The following GRID1 variants were observed in gnomAD, a reference collection of about 807,000 sequenced individuals.
The protein encoded by GRID1 is glutamate receptor ionotropic, delta-1.
Under a neutral mutation model 98.0 loss-of-function variants are expected in GRID1, and 28 were observed. The observed-to-expected ratio is 0.29, with a 90% confidence interval of 0.21 to 0.39. The LOEUF (loss-of-function observed/expected upper bound fraction) is 0.39. Ranked by LOEUF, GRID1 falls within the 10% of genes least tolerant of loss-of-function variation. The probability of loss-of-function intolerance (pLI) is 1.00; values close to 1 mark genes in which losing one functional copy is unlikely to be tolerated. For synonymous variants in GRID1, 553 were observed against 538.5 expected, an observed-to-expected ratio of 1.03 and a Z score of -0.37; for missense variants, 1,111 against 1,340.5, an observed-to-expected ratio of 0.83 and a Z score of 2.67.
At position 85,602,074 on chromosome 10, in the gene GRID1, C is replaced by T. The variant is rs547286346; in HGVS notation, c.*199G>A. 3.3e-5 allele frequency: 15 copies of T among 448,094 alleles called. No individual in the cohort carries two copies. The highest frequency in any genetic ancestry group is 6.3e-5 in the East Asian group (2 of 31,510). The allele number at this position is 448,094 out of a possible 1,614,324, so 27.8% of individuals were successfully genotyped here. A position where few individuals can be genotyped will look rare whatever the true frequency, so the allele number is the denominator to read the frequency against. On this transcript the variant is annotated 3_prime_UTR_variant, in exon 16 of 16. Coordinates refer to ENST00000327946, the MANE Select transcript of GRID1 (RefSeq NM_017551.3). Reference sequence around the variant, plus strand: ...AGTTTTTGTGTTTTTTTACTGACTTCGAAAATTGGGAATATTCAAAATACA... The same window carrying T: ...AGTTTTTGTGTTTTTTTACTGACTTTGAAAATTGGGAATATTCAAAATACA...
At chr10:85,672,972 G>A (rs7084724) in intron 12 of GRID1, among the ~76,000 whole-genome samples, 8,023 of 152,234 alleles carry the variant, frequency 0.053, 243 homozygotes, top group African/African-American at 0.075. Flanking sequence ...CTTCTGAAAA[G>A]GATTCACCAT....
chr10:86,051,022 G>A (rs1843495169), intron 4 of GRID1, among the ~76,000 whole-genome samples: 1 of 151,482 alleles, frequency 6.6e-6, no homozygotes, highest in African/African-American at 2.4e-5. Flanking sequence ...AGGTTGCCGT[G>A]AGCCAAGATT....
intron 8 of GRID1, among the ~76,000 whole-genome samples, chr10:85,755,156 G>A (rs1249798418): frequency 6.6e-6 from 1 of 152,088 alleles, no homozygotes; most frequent in East Asian, 1.9e-4. Flanking sequence ...TGCTAGAAAG[G>A]GTCCTAGGAC....
intron 8 of GRID1, among the ~76,000 whole-genome samples, chr10:85,811,147 C>T (rs1361058727): frequency 1.3e-5 from 2 of 152,192 alleles, no homozygotes; most frequent in Non-Finnish European, 2.9e-5. Flanking sequence ...ACATGGATTA[C>T]ATCTGAAGAA....
chr10:85,650,393 T>G (rs1481623587), intron 12 of GRID1: 2 of 152,060 alleles, frequency 1.3e-5, no homozygotes, highest in African/African-American at 4.8e-5. Flanking sequence ...CACAGAGAGA[T>G]GAAGGAGACG....
At chr10:86,077,569 G>A (rs377032808) in intron 4 of GRID1, among the ~76,000 whole-genome samples, 41 of 152,274 alleles carry the variant, frequency 2.7e-4, no homozygotes, top group African/African-American at 9.1e-4. Flanking sequence ...TATCTGCTAC[G>A]TCTCCATGTG....
intron 13 of GRID1, among the ~76,000 whole-genome samples, chr10:85,621,411 C>T (rs560216281): frequency 6.6e-6 from 1 of 152,258 alleles, no homozygotes; most frequent in Admixed American, 6.5e-5. Context: ...CTGAGACTTT[C>T]CAAAGAGTGT....
intron 3 of GRID1, among the ~76,000 whole-genome samples, chr10:86,191,963 G>A (rs1475003385): frequency 6.6e-6 from 1 of 152,160 alleles, no homozygotes; most frequent in Admixed American, 6.5e-5. Flanking sequence ...GAAAGGCCAG[G>A]GAGAGACAGA....
chr10:86,194,478 T>C (rs959982994), intron 3 of GRID1, among the ~76,000 whole-genome samples: 13 of 152,090 alleles, frequency 8.5e-5, no homozygotes, highest in Non-Finnish European at 1.0e-4. Flanking sequence ...TGTGTGCACA[T>C]GTGGCATGTC....
intron 2 of GRID1, among the ~76,000 whole-genome samples, chr10:86,250,643 G>C (rs1010630403): frequency 6.6e-6 from 1 of 151,762 alleles, no homozygotes; most frequent in Non-Finnish European, 1.5e-5. Flanking sequence ...TCTGGGAGGT[G>C]GGGGGCAGCC....
intron 2 of GRID1, among the ~76,000 whole-genome samples, chr10:86,314,411 T>A (rs749721111): frequency 1.3e-5 from 2 of 152,232 alleles, no homozygotes; most frequent in African/African-American, 2.4e-5. Flanking sequence ...CTCCTCCCAC[T>A]CCTTGGGCTC....
At chr10:85,899,755 C>T (rs943541357) in intron 5 of GRID1, among the ~76,000 whole-genome samples, 1 of 152,084 alleles carries the variant, frequency 6.6e-6, no homozygotes, top group Non-Finnish European at 1.5e-5. Flanking sequence ...TGTTCAGATC[C>T]CCATGGGCCT....
intron 4 of GRID1, among the ~76,000 whole-genome samples, chr10:86,135,423 C>A (rs1426326178): frequency 6.6e-6 from 1 of 152,302 alleles, no homozygotes; most frequent in South Asian, 2.1e-4. Context: ...CCCCATGGTG[C>A]CCCCAGGCCT....
At chr10:86,223,039 A>G (rs745472530) in intron 2 of GRID1, among the ~76,000 whole-genome samples, 15 of 152,164 alleles carry the variant, frequency 9.9e-5, no homozygotes, top group Non-Finnish European at 2.2e-4. Context: ...CTGGGCATGT[A>G]TGCTCCCATG....
At chr10:85,877,540 C>G (rs938207717) in intron 5 of GRID1, among the ~76,000 whole-genome samples, 3 of 152,236 alleles carry the variant, frequency 2.0e-5, no homozygotes, top group Non-Finnish European at 4.4e-5. Context: ...CAAACTCCAA[C>G]AGACCTCCAG....
At chr10:85,779,772 A>G (rs1046173667) in intron 8 of GRID1, among the ~76,000 whole-genome samples, 1 of 152,144 alleles carries the variant, frequency 6.6e-6, no homozygotes, top group Non-Finnish European at 1.5e-5. Flanking sequence ...CTAATCTCAC[A>G]CAACAGGCAC....
chr10:86,329,341 T>C (rs1487201413), intron 2 of GRID1, among the ~76,000 whole-genome samples: 1 of 152,166 alleles, frequency 6.6e-6, no homozygotes, highest in Non-Finnish European at 1.5e-5. Context: ...CAAGTGAACA[T>C]GCTGTGGTTA....
intron 2 of GRID1, among the ~76,000 whole-genome samples, chr10:86,224,155 C>T (rs553311447): frequency 6.6e-6 from 1 of 152,058 alleles, no homozygotes; most frequent in African/African-American, 2.4e-5. Context: ...TCCCCACCCT[C>T]CCAAGCTCCC....
intron 2 of GRID1, among the ~76,000 whole-genome samples, chr10:86,336,462 C>T (rs1848222511): frequency 6.6e-6 from 1 of 152,198 alleles, no homozygotes; most frequent in Admixed American, 6.5e-5. Context: ...CGGGTCTCCT[C>T]TAGAGCCCAA....
Sources: allele counts gnomAD v4.1 joint callset (sites outside exome capture counted in the v4.1 genomes callset), GRCh38; gene constraint gnomAD v4.1.1; transcripts MANE v1.5; gene names NCBI Gene and HGNC (gene_info 2026-07-23, HGNC 2026-07-21).